The following GON4L variants were observed in gnomAD, a reference collection of about 807,000 sequenced individuals.
GON4L encodes the protein gon-4 like.
In GON4L, 87 loss-of-function variants were observed where a neutral mutation model predicts 211.8. That is an observed-to-expected ratio of 0.41 (90% confidence interval 0.35 to 0.49). The LOEUF (loss-of-function observed/expected upper bound fraction) is 0.49, where lower values mean the gene tolerates loss of function less well. GON4L is among the 20% of genes least tolerant of loss of function. The pLI is 0.15. For synonymous variants in GON4L, 875 were observed against 962.6 expected (o/e 0.91, Z 1.68); for missense variants, 2,155 against 2,659.5 (o/e 0.81, Z 4.17).
intron 10 of GON4L, among the ~76,000 whole-genome samples, chr1:155,806,039 C>T (rs944359073): frequency 8.2e-5 from 12 of 146,476 alleles, no homozygotes; most frequent in Admixed American, 4.9e-4. Context: ...ACCCAGGCTA[C>T]AGCACTGGCA....
In GON4L at chr1:155,766,476, T is replaced by A; in HGVS notation, c.2997A>T (p.Ser999=). 6.2e-7 allele frequency: 1 copy of A among 1,614,110 alleles called. No homozygotes were observed. The highest frequency in any genetic ancestry group is 8.5e-7 in the Non-Finnish European group (1 of 1,180,004). ...GTTGGATAAGGAGGGGCTTCAGGAC[T>A]GATGAACGCTTCTGTCTCCAAGCCT... ...PRKAWRQKRS[S]VLKPLLIQPS... is the part of the protein sequence containing the mutation. The change falls in exon 21 of 32, where the codon TCA becomes TCT. Residue 999 remains serine, a synonymous_variant. Transcript: ENST00000368331.
chr1:155,745,726 A>G (rs1455053878), downstream of GON4L: 5 of 1,008,964 alleles, frequency 5.0e-6, no homozygotes, highest in African/African-American at 3.2e-5. Context: ...TTGCGGACCA[A>G]TAAGTCGCCA....
chr1:155,777,841 A>G (rs1282986690), intron 14 of GON4L, 21 bp from the exon 15 acceptor site: 2 of 1,495,880 alleles, frequency 1.3e-6, no homozygotes, highest in Non-Finnish European at 1.9e-6. Flanking sequence ...CAGGGAGATG[A>G]CTGAATTTGA....
At chr1:155,815,756 G>A (rs780191855) in intron 8 of GON4L, 49 bp downstream of exon 8, 1 of 1,077,458 alleles carries the variant, frequency 9.3e-7, no homozygotes, top group Non-Finnish European at 1.4e-6. Context: ...AGGAAGCAAA[G>A]TATACCCTGC....
chr1:155,805,518 C>T (rs1032398509), intron 10 of GON4L, among the ~76,000 whole-genome samples: 6 of 152,066 alleles, frequency 3.9e-5, no homozygotes, highest in African/African-American at 1.4e-4. Context: ...GTAGTCGCTT[C>T]CCTTTCCCCC....
intron 2 of GON4L, among the ~76,000 whole-genome samples, chr1:155,839,174 AG>A (rs1670566812): frequency 1.3e-5 from 2 of 152,192 alleles, no homozygotes; most frequent in African/African-American, 4.8e-5. Flanking sequence ...GAAAGGAACC[AG>A]TAAGTAGGGG....
At chr1:155,811,269 G>A (rs2102158621) in intron 10 of GON4L, among the ~76,000 whole-genome samples, 1 of 150,700 alleles carries the variant, frequency 6.6e-6, no homozygotes, top group East Asian at 2.0e-4. Flanking sequence ...GCGGGCGCCT[G>A]TAGTCCCAGC....
chr1:155,841,722 T>C (rs928384066), intron 2 of GON4L, among the ~76,000 whole-genome samples: 1 of 152,192 alleles, frequency 6.6e-6, no homozygotes, highest in African/African-American at 2.4e-5. Context: ...AAATAAAAGC[T>C]TGGCCAGCAA....
At chr1:155,746,892 C>A (rs775280634), downstream of GON4L, 1 of 1,596,554 alleles carries the variant, frequency 6.3e-7, no homozygotes, top group South Asian at 1.1e-5. Context: ...CTGTCCTGAA[C>A]TTTTTAACCC....
Position 155,775,194 on chromosome 1 carries a change from A to G in GON4L, c.2179-21T>C, listed in dbSNP as rs397765626. On this transcript the variant is annotated intron_variant, in intron 16 of 31. Coordinates refer to ENST00000368331, the MANE Select transcript of GON4L (RefSeq NM_001282860.2). The stretch of plus-strand genomic sequence containing the variant: ...TCTTTCTGGGAAAACAGGACACAAG[A>G]AAGATTTAAGACAATTCCAGACAAT... 1.1e-5 allele frequency: 17 copies of G among 1,614,058 alleles called. No homozygotes were observed. The African/African-American group carries it at 1.1e-4, about 10-fold the overall frequency.
intron 22 of GON4L, 41 bp downstream of exon 22, chr1:155,763,271 T>G: frequency 6.2e-7 from 1 of 1,600,336 alleles, no homozygotes; most frequent in South Asian, 1.1e-5. Flanking sequence ...ACAATGAGGT[T>G]AAGTGAGAAT....
intron 12 of GON4L, among the ~76,000 whole-genome samples, chr1:155,792,565 G>T (rs1474080607): frequency 6.6e-6 from 1 of 152,160 alleles, no homozygotes; most frequent in Non-Finnish European, 1.5e-5. Flanking sequence ...AGAGTGGTAC[G>T]GGAATGCAAA....
rs1411873303 is a variant in GON4L, at chr1:155,749,971, T to C, written c.*613A>G. 6.8e-7 allele frequency: 1 copy of C among 1,465,636 alleles called. No homozygotes were observed. The highest frequency in any genetic ancestry group is 1.6e-5 in the African/African-American group (1 of 63,750). 90.8% of individuals were successfully genotyped at this position (1,465,636 alleles called of 1,614,324 possible). A position where few individuals can be genotyped will look rare whatever the true frequency, so the allele number is the denominator to read the frequency against. ...GGGGCACTGTGTTCCTCTTCGTCCC[T>C]GCACCAGACCCTGGAAGCCTTGGCC... On this transcript the variant is annotated 3_prime_UTR_variant, in exon 32 of 32. Transcript: ENST00000368331.
At chr1:155,856,400 TTTC>T in intron 1 of GON4L, among the ~76,000 whole-genome samples, 1 of 149,522 alleles carries the variant, frequency 6.7e-6, no homozygotes, top group Admixed American at 6.6e-5. Context: ...AACGACTTTT[TTTC>T]TTTTTTTTTT....
intron 12 of GON4L, among the ~76,000 whole-genome samples, chr1:155,788,194 T>C (rs1665156146): frequency 6.6e-6 from 1 of 152,166 alleles, no homozygotes; most frequent in African/African-American, 2.4e-5. Context: ...TGTTTCACCA[T>C]GTTGCCCAGG....
intron 3 of GON4L, among the ~76,000 whole-genome samples, chr1:155,825,576 C>CAAAA (rs58768970): frequency 7.1e-6 from 1 of 140,572 alleles, no homozygotes; most frequent in South Asian, 2.3e-4. Flanking sequence ...TGTCTCAAAA[C>CAAAA]AAAAAAAAAA....
intron 29 of GON4L, 129 bp from the exon 30 acceptor site, chr1:155,752,719 C>T: frequency 7.2e-7 from 1 of 1,396,196 alleles, no homozygotes; most frequent in Non-Finnish European, 9.9e-7. Flanking sequence ...GTGGCTCACA[C>T]CTATAATGTC....
chr1:155,775,542 C>T (rs916224490), intron 16 of GON4L, among the ~76,000 whole-genome samples: 1 of 151,798 alleles, frequency 6.6e-6, no homozygotes, highest in African/African-American at 2.4e-5. Flanking sequence ...GAAGTCTCCA[C>T]TTCCTGGGCT....
intron 2 of GON4L, among the ~76,000 whole-genome samples, chr1:155,833,467 A>C (rs954637509): frequency 4.0e-5 from 6 of 151,588 alleles, no homozygotes; most frequent in Admixed American, 6.6e-5. Flanking sequence ...GGCTACGGGG[A>C]AACCCCATCT....
Sources: allele counts gnomAD v4.1 joint callset (sites outside exome capture counted in the v4.1 genomes callset), GRCh38; gene constraint gnomAD v4.1.1; transcripts MANE v1.5; gene names NCBI Gene and HGNC (gene_info 2026-07-23, HGNC 2026-07-21).